MTHFD1L: variants seen among roughly 807,000 people sequenced by gnomAD.
MTHFD1L encodes monofunctional C1-tetrahydrofolate synthase, mitochondrial.
A neutral mutation model predicts 119.5 loss-of-function variants in MTHFD1L; 81 were observed. The ratio of observed to expected loss-of-function variants is 0.68; its 90% confidence interval spans 0.57 to 0.82. The LOEUF is 0.82. MTHFD1L is among the 40% of genes least tolerant of loss of function. MTHFD1L has a pLI of 0.00. For synonymous variants in MTHFD1L, 430 were observed against 475.2 expected (o/e 0.90, Z 1.24); for missense variants, 1,125 against 1,253.4 (o/e 0.90, Z 1.55).
At chr6:150,894,749 C>T (rs188556827) in intron 7 of MTHFD1L, among the ~76,000 whole-genome samples, 4 of 152,272 alleles carry the variant, frequency 2.6e-5, no homozygotes, top group East Asian at 3.9e-4. Context: ...TCTGTCTAAA[C>T]GGAAGGATAT....
At chr6:151,047,569 TGAAGGTAC>T (rs1368396918) in intron 26 of MTHFD1L, among the ~76,000 whole-genome samples, 1 of 152,196 alleles carries the variant, frequency 6.6e-6, no homozygotes, top group Non-Finnish European at 1.5e-5. Flanking sequence ...CCATTTGTAA[TGAAGGTAC>T]CGTGATCTGT....
chr6:150,976,734 C>T (rs566864791), intron 20 of MTHFD1L, among the ~76,000 whole-genome samples: 2 of 152,184 alleles, frequency 1.3e-5, no homozygotes, highest in South Asian at 2.1e-4. Flanking sequence ...TGGAAAGAAA[C>T]GTTTGCAAAG....
chr6:151,038,110 A>G (rs1260036389), intron 26 of MTHFD1L, among the ~76,000 whole-genome samples: 2 of 152,182 alleles, frequency 1.3e-5, no homozygotes, highest in Admixed American at 1.3e-4. Flanking sequence ...CATTTTTTGA[A>G]TTCTTCCTGC....
At position 151,014,980 on chromosome 6, in the gene MTHFD1L, A is replaced by G. The variant is rs1372434560; in HGVS notation, c.2408A>G (p.Lys803Arg). The G allele has an allele frequency of 3.7e-6, 6 of 1,613,388 alleles. No homozygotes were observed. Among genetic ancestry groups the G allele is most frequent in the Non-Finnish European group, 5.1e-6 (6 of 1,179,530 alleles). Residue 803 changes from lysine (K) to arginine (R), a missense_variant and splice_region_variant, in exon 23 of 28, where the codon AAG (lysine) becomes AGG (arginine). By Grantham distance (26) the Lys-to-Arg change is conservative. Around this residue, in one of 3 missense-constraint regions of MTHFD1L, gnomAD observed 1,058 missense variants for 1,151.2 expected, o/e 0.92. Transcript: ENST00000367321. ...GTTGTGGTGGCTCTGAATGTCTTCAAGTAAGTCCAGCCTCCTCCTTTAAAT... is the reference window on the plus strand; with the variant it reads ...GTTGTGGTGGCTCTGAATGTCTTCAGGTAAGTCCAGCCTCCTCCTTTAAAT... ...VPVVVALNVF[K>R]TDTRAEIDLV...
chr6:151,050,679 G>A (rs114805949), intron 26 of MTHFD1L, among the ~76,000 whole-genome samples: 7 of 152,118 alleles, frequency 4.6e-5, no homozygotes, highest in Admixed American at 1.3e-4. Context: ...AGACAGGGTC[G>A]GAACTGAACT....
rs771494677 is a variant in MTHFD1L, at chr6:151,009,901, C to T, written c.2208C>T (p.Asn736=). The stretch of plus-strand genomic sequence containing the variant: ...GCCGAGCTTCCGGCTTGGTGCCCAA[C>T]GTGGTTGTGTTAGTGGCAACGGTGC... ...IKCRASGLVP[N]VVVLVATVRA... is the part of the protein sequence containing the mutation. Residue 736 remains asparagine, a synonymous_variant, in exon 21 of 28, where the codon AAC becomes AAT. Transcript: ENST00000367321. The T allele has an allele frequency of 1.8e-5, 29 of 1,613,496 alleles. No individual in the cohort carries two copies. The Admixed American group carries it at 2.0e-4, about 11-fold the overall frequency.
chr6:151,075,624 T>C (rs142481251), intron 26 of MTHFD1L, among the ~76,000 whole-genome samples: 9 of 152,336 alleles, frequency 5.9e-5, no homozygotes, highest in African/African-American at 2.2e-4. Flanking sequence ...AATGCTACAA[T>C]TCAGCTTGAC....
At chr6:150,992,865 A>C (rs1465873889) in intron 20 of MTHFD1L, among the ~76,000 whole-genome samples, 25 of 152,204 alleles carry the variant, frequency 1.6e-4, no homozygotes, top group Admixed American at 1.6e-3. Flanking sequence ...ACCCAGAGAC[A>C]TGAACAGTGC....
At chr6:151,077,912 G>A (rs375862057) in intron 26 of MTHFD1L, among the ~76,000 whole-genome samples, 6 of 151,096 alleles carry the variant, frequency 4.0e-5, no homozygotes, top group Admixed American at 6.6e-5. Flanking sequence ...TTAGCCGGGC[G>A]TGGTGGCAGG....
intron 24 of MTHFD1L, among the ~76,000 whole-genome samples, chr6:151,028,985 C>T (rs1034469954): frequency 1.3e-5 from 2 of 152,044 alleles, no homozygotes; most frequent in African/African-American, 4.8e-5. Flanking sequence ...GTAAGAGGAT[C>T]ACTTGAGCCC....
chr6:150,952,581 A>G (rs1795010041), intron 16 of MTHFD1L, among the ~76,000 whole-genome samples: 2 of 152,030 alleles, frequency 1.3e-5, no homozygotes, highest in African/African-American at 4.8e-5. Context: ...GCCAGGCTGG[A>G]GTGCAGTGTG....
chr6:150,976,059 G>A (rs759785255), intron 20 of MTHFD1L, among the ~76,000 whole-genome samples: 33 of 152,234 alleles, frequency 2.2e-4, no homozygotes, highest in Non-Finnish European at 4.3e-4. Flanking sequence ...AATTTAGCGG[G>A]GCTTGGTGGC....
intron 19 of MTHFD1L, among the ~76,000 whole-genome samples, chr6:150,966,936 A>G (rs183007056): frequency 6.6e-6 from 1 of 152,306 alleles, no homozygotes; most frequent in Admixed American, 6.5e-5. Flanking sequence ...ACGCCTTTGA[A>G]CAGGTGTCTG....
intron 27 of MTHFD1L, among the ~76,000 whole-genome samples, chr6:151,097,941 G>A (rs899257199): frequency 5.3e-5 from 8 of 152,118 alleles, no homozygotes; most frequent in East Asian, 3.9e-4. Flanking sequence ...TTGGGAGTCC[G>A]AGTGGGTGGA....
chr6:150,993,109 CTTTG>C (rs1392659988), intron 20 of MTHFD1L, among the ~76,000 whole-genome samples: 1 of 152,204 alleles, frequency 6.6e-6, no homozygotes, highest in Middle Eastern at 3.4e-3. Context: ...GTCCCTTTTT[CTTTG>C]TTTGTTTTAT....
At chr6:151,058,958 G>A (rs1304134422) in intron 26 of MTHFD1L, among the ~76,000 whole-genome samples, 1 of 152,138 alleles carries the variant, frequency 6.6e-6, no homozygotes, top group Non-Finnish European at 1.5e-5. Flanking sequence ...GTACAGGCGT[G>A]AGCCACCGCA....
chr6:151,045,883 A>C (rs1787932323), intron 26 of MTHFD1L, among the ~76,000 whole-genome samples: 1 of 152,152 alleles, frequency 6.6e-6, no homozygotes, highest in African/African-American at 2.4e-5. Context: ...AGGGAAAGCT[A>C]CGTGTGTGTC....
In MTHFD1L at chr6:151,017,628, A is replaced by G. The variant is rs188665084; in HGVS notation, c.2586+1935A>G. Among the ~76,000 whole-genome samples the G allele has an allele frequency of 2.4e-3, 362 of 152,192 alleles. 1 individual carries two copies. The highest frequency in any genetic ancestry group is 4.3e-3 in the Non-Finnish European group (295 of 67,990). On this transcript the variant is annotated intron_variant, in intron 24 of 27. Transcript: ENST00000367321. ...CCAAAGTGCTGGGATTACAGGTGTG[A>G]GCCACCGCGCCCGGCCAGAATTTCC...
intron 16 of MTHFD1L, among the ~76,000 whole-genome samples, chr6:150,955,662 G>A (rs566881889): frequency 1.1e-4 from 17 of 152,052 alleles, no homozygotes; most frequent in Admixed American, 7.2e-4. Flanking sequence ...ACCATGCCTG[G>A]CAAATTTTTA....
Sources: gnomAD v4.1 joint callset for allele counts (sites outside exome capture counted in the v4.1 genomes callset) on GRCh38, gnomAD v4.1.1 for gene constraint, gnomAD v4.1.1 regional missense constraint, MANE v1.5 for transcripts, NCBI Gene and HGNC (gene_info 2026-07-23, HGNC 2026-07-21) for gene names.